Variants in DIAPH2 observed in about 807,000 individuals in gnomAD.
DIAPH2 encodes protein diaphanous homolog 2.
A neutral mutation model predicts 92.7 loss-of-function variants in DIAPH2; 35 were observed. The observed-to-expected ratio is 0.38, with a 90% CI of 0.29 to 0.50. The LOEUF (loss-of-function observed/expected upper bound fraction) is 0.50. DIAPH2 is among the 20% of genes least tolerant of loss of function. The pLI, the probability that DIAPH2 is intolerant of heterozygous loss-of-function variation, is 0.94. For missense variants in DIAPH2, 701 were observed against 819.5 expected (o/e 0.86, Z 1.77); for synonymous variants, 301 against 280.4 (o/e 1.07, Z -0.73).
intron 23 of DIAPH2, among the ~76,000 whole-genome samples, chrX:97,318,261 C>A (rs1299906839): frequency 2.7e-5 from 3 of 109,666 alleles, no homozygotes; most frequent in Non-Finnish European, 5.7e-5. Context: ...GCCTCAGCCT[C>A]CCGAGTAGCT....
chrX:97,574,135 A>C (rs1166999958), intron 26 of DIAPH2, among the ~76,000 whole-genome samples: 4 of 112,147 alleles, frequency 3.6e-5, no homozygotes, highest in African/African-American at 1.3e-4. Flanking sequence ...AAAGGTCTAA[A>C]GAGTGGAACT....
chrX:97,185,393 G>GTATATATATA lies in DIAPH2; in HGVS notation c.2719+43600_2719+43601insATATATATAT, dbSNP rs1569323111. Among the ~76,000 whole-genome samples, 36 of 15,056 alleles carry GTATATATATA rather than the reference G, an allele frequency of 2.4e-3. 2 individuals carry two copies. Among genetic ancestry groups the GTATATATATA allele is most frequent in the East Asian group, 0.021 (13 of 632 alleles). 13.1% of individuals were successfully genotyped at this position (15,056 alleles called of 115,157 possible). A position where few individuals can be genotyped will look rare whatever the true frequency, so the allele number is the denominator to read the frequency against. ...TGTATATATATATGTATATATATAT[G>GTATATATATA]TGTATATATATATATATGTATATAT... On this transcript the variant is annotated intron_variant, in intron 22 of 26. Transcript: ENST00000324765.
intron 26 of DIAPH2, among the ~76,000 whole-genome samples, chrX:97,538,031 C>T (rs1340279991): frequency 9.2e-6 from 1 of 109,062 alleles, no homozygotes; most frequent in Non-Finnish European, 1.9e-5. Context: ...ACTACAGGCG[C>T]CCGCCACCGC....
intron 22 of DIAPH2, among the ~76,000 whole-genome samples, chrX:97,183,811 T>C (rs1415972574): frequency 8.9e-6 from 1 of 112,070 alleles, no homozygotes; most frequent in Non-Finnish European, 1.9e-5. Flanking sequence ...AAGATAAATA[T>C]GTGCAGCATG....
At chrX:96,931,186 T>C (rs2065616885) in intron 10 of DIAPH2, among the ~76,000 whole-genome samples, 1 of 111,611 alleles carries the variant, frequency 9.0e-6, no homozygotes. Context: ...TCCTCTTTGA[T>C]AACCTAGATT....
intron 26 of DIAPH2, among the ~76,000 whole-genome samples, chrX:97,476,984 T>TATATACACAC (rs1280074551): frequency 1.2e-4 from 7 of 57,092 alleles, no homozygotes; most frequent in African/African-American, 6.0e-4. Flanking sequence ...TATATATATA[T>TATATACACAC]ACACACACAC....
chrX:97,184,616 A>T (rs2067565563), intron 22 of DIAPH2, among the ~76,000 whole-genome samples: 3 of 111,509 alleles, frequency 2.7e-5, no homozygotes, highest in Non-Finnish European at 5.6e-5. Flanking sequence ...GTGCCTGGGG[A>T]GATTGAGTTA....
intron 4 of DIAPH2, among the ~76,000 whole-genome samples, chrX:96,769,487 G>A (rs904058635): frequency 8.9e-6 from 1 of 111,799 alleles, no homozygotes; most frequent in Non-Finnish European, 1.9e-5. Context: ...AGACTATGTT[G>A]CTGATCATTC....
intron 4 of DIAPH2, among the ~76,000 whole-genome samples, chrX:96,783,601 A>C (rs1177536186): frequency 1.8e-5 from 2 of 112,450 alleles, no homozygotes; most frequent in Non-Finnish European, 3.8e-5. Context: ...AACCAGGCCC[A>C]AAGGGCAAGG....
intron 23 of DIAPH2, 129 bp downstream of exon 23, chrX:97,247,968 T>G: frequency 8.5e-6 from 5 of 589,465 alleles, no homozygotes; most frequent in Non-Finnish European, 1.0e-5. Context: ...GTATATGCTG[T>G]TTTTCTATTA....
At chrX:97,410,880 A>G (rs574026248) in intron 25 of DIAPH2, among the ~76,000 whole-genome samples, 7 of 112,051 alleles carry the variant, frequency 6.2e-5, no homozygotes, top group African/African-American at 2.3e-4. Flanking sequence ...AAATGAACAA[A>G]GCCTCCAAAA....
At chrX:97,427,925 G>A (rs1269401757) in intron 25 of DIAPH2, among the ~76,000 whole-genome samples, 1 of 110,474 alleles carries the variant, frequency 9.1e-6, no homozygotes, top group Non-Finnish European at 1.9e-5. Flanking sequence ...GACCTCAAGT[G>A]AGCCACCTGC....
chrX:97,490,016 A>C, intron 26 of DIAPH2, among the ~76,000 whole-genome samples: 1 of 111,592 alleles, frequency 9.0e-6, no homozygotes, highest in Non-Finnish European at 1.9e-5. Flanking sequence ...AATATTTGAT[A>C]AAATTCACCA....
chrX:96,717,729 T>C (rs1010396329), intron 1 of DIAPH2, among the ~76,000 whole-genome samples: 6 of 101,476 alleles, frequency 5.9e-5, no homozygotes, highest in Non-Finnish European at 4.0e-5. Context: ...TGCCTTGGTG[T>C]ACTTTTCTTC....
intron 1 of DIAPH2, among the ~76,000 whole-genome samples, chrX:96,718,290 T>C (rs1297550162): frequency 1.9e-5 from 2 of 106,391 alleles, no homozygotes; most frequent in Non-Finnish European, 3.9e-5. Flanking sequence ...TGTTCTTTTT[T>C]ATGGCTGGAT....
At chrX:96,812,003 A>T (rs2064687022) in intron 4 of DIAPH2, among the ~76,000 whole-genome samples, 1 of 111,442 alleles carries the variant, frequency 9.0e-6, no homozygotes, top group East Asian at 2.8e-4. Context: ...TGTCTCTGCC[A>T]GGCTTTGGTA....
At chrX:97,151,037 ATTCT>A (rs2067281774) in intron 22 of DIAPH2, among the ~76,000 whole-genome samples, 1 of 112,022 alleles carries the variant, frequency 8.9e-6, no homozygotes, top group Non-Finnish European at 1.9e-5. Context: ...TCAAAAACAT[ATTCT>A]TTAAAAGTGA....
In DIAPH2 at chrX:97,264,813, A is replaced by C. The variant is rs781734950; in HGVS notation, c.2844+16974A>C. ...AGCCTGGCCAAGATGGTGAAACCTC[A>C]TCTCTACTAAAAATACAAAAATTAG... On this transcript the variant is annotated intron_variant, in intron 23 of 26. Coordinates refer to ENST00000324765, the MANE Select transcript of DIAPH2 (RefSeq NM_006729.5). Among the ~76,000 whole-genome samples, 10 of 111,416 alleles carry C rather than the reference A, an allele frequency of 9.0e-5. No homozygotes were observed. In the South Asian group the frequency reaches 3.8e-3, roughly 42 times the overall value.
chrX:97,230,136 T>C (rs867235401), intron 22 of DIAPH2, among the ~76,000 whole-genome samples: 1 of 110,791 alleles, frequency 9.0e-6, no homozygotes, highest in Admixed American at 9.7e-5. Flanking sequence ...GTTAAAGCAG[T>C]ATTATGGTAT....
Sources: gnomAD v4.1 joint callset for allele counts (sites outside exome capture counted in the v4.1 genomes callset) on GRCh38, gnomAD v4.1.1 for gene constraint, MANE v1.5 for transcripts, NCBI Gene and HGNC (gene_info 2026-07-23, HGNC 2026-07-21) for gene names.